Variants in SLC4A1AP observed in about 807,000 individuals in gnomAD.
SLC4A1AP encodes solute carrier family 4 member 1 adaptor protein.
Under a neutral mutation model 89.7 loss-of-function variants are expected in SLC4A1AP, and 64 were observed. That is an observed-to-expected ratio of 0.71 (90% CI 0.58 to 0.88). SLC4A1AP has a LOEUF of 0.88. Ranked by LOEUF, SLC4A1AP falls within the 40% of genes least tolerant of loss-of-function variation. SLC4A1AP has a pLI of 0.00. For synonymous variants in SLC4A1AP, 366 were observed against 353.3 expected (o/e 1.04, Z -0.40); for missense variants, 931 against 965.0 (o/e 0.96, Z 0.47).
At chr2:27,664,955 G>C (rs923461229) in intron 1 of SLC4A1AP, 145 bp from the exon 2 acceptor site, 2 of 588,546 alleles carry the variant, frequency 3.4e-6, no homozygotes, top group African/African-American at 3.9e-5. Context: ...TGCTCAGGAG[G>C]CTGAGGTGGG....
At chr2:27,665,079 T>A (rs1675288355) in intron 1 of SLC4A1AP, 21 bp from the exon 2 acceptor site, 1 of 1,577,184 alleles carries the variant, frequency 6.3e-7, no homozygotes, top group African/African-American at 1.4e-5. Flanking sequence ...ATAAATAACC[T>A]TTTTTTCCTT....
chr2:27,688,104 AAG>A (rs1675733557), intron 11 of SLC4A1AP, 84 bp downstream of exon 11: 11 of 1,066,730 alleles, frequency 1.0e-5, no homozygotes, highest in Admixed American at 1.9e-5. Flanking sequence ...AGCTGACCTG[AAG>A]GCAGCACAGA....
At chr2:27,686,542 A>T (rs1036356851) in intron 10 of SLC4A1AP, among the ~76,000 whole-genome samples, 1 of 152,218 alleles carries the variant, frequency 6.6e-6, no homozygotes, top group Admixed American at 6.5e-5. Context: ...AGGCGGATGG[A>T]TCACCTGAGG....
exon 12 of SLC4A1AP, chr2:27,688,735 T>C (rs1398001512): frequency 6.2e-7 from 1 of 1,603,862 alleles, no homozygotes; most frequent in Non-Finnish European, 8.5e-7. Flanking sequence ...CAGAGGTGAA[T>C]TGAAGAAAAA....
At chr2:27,690,140 AT>A (rs1675766309) in intron 12 of SLC4A1AP, among the ~76,000 whole-genome samples, 1 of 152,216 alleles carries the variant, frequency 6.6e-6, no homozygotes, top group South Asian at 2.1e-4. Context: ...TAGAGTTAAA[AT>A]TATACCTATA....
At chr2:27,676,596 T>C (rs1387600012) in intron 6 of SLC4A1AP, among the ~76,000 whole-genome samples, 1 of 150,404 alleles carries the variant, frequency 6.6e-6, no homozygotes, top group African/African-American at 2.5e-5. Context: ...CTGAGGCCGG[T>C]GGATCACCTG....
At position 27,665,085 on chromosome 2, in the gene SLC4A1AP, TC is replaced by T; in HGVS notation, c.826-13del. The T allele has an allele frequency of 6.3e-7, 1 of 1,591,798 alleles. No individual in the cohort carries two copies. The highest frequency in any genetic ancestry group is 8.6e-7 in the Non-Finnish European group (1 of 1,169,278). On this transcript the variant is annotated splice_polypyrimidine_tract_variant and intron_variant, in intron 1 of 13. Transcript: ENST00000613058. ...TCTAAATAAATAAATAACCTTTTTTTCCTTGGTTCATCAGGGACCAGAGGAA... is the reference window on the plus strand; with the variant it reads ...TCTAAATAAATAAATAACCTTTTTTTCTTGGTTCATCAGGGACCAGAGGAA...
At chr2:27,668,518 T>G in intron 3 of SLC4A1AP, 1 of 476,666 alleles carries the variant, frequency 2.1e-6, no homozygotes, top group South Asian at 1.7e-5. Context: ...GGCGCAATCT[T>G]GGCTCACTGC....
intron 12 of SLC4A1AP, chr2:27,692,664 G>C (rs540814409): frequency 6.6e-6 from 1 of 152,038 alleles, no homozygotes; most frequent in Non-Finnish European, 1.5e-5. Context: ...GAATCTGGGA[G>C]CTCCAGTTTT....
intron 9 of SLC4A1AP, among the ~76,000 whole-genome samples, chr2:27,683,848 G>A (rs1675660446): frequency 6.6e-6 from 1 of 151,994 alleles, no homozygotes; most frequent in African/African-American, 2.4e-5. Flanking sequence ...CGATTCTCCT[G>A]CCTCAGCTTC....
Position 27,685,332 on chromosome 2 carries a change from G to A in SLC4A1AP, c.2116+55G>A, listed in dbSNP as rs1675688452. On this transcript the variant is annotated intron_variant, in intron 10 of 13. Coordinates refer to ENST00000613058, the Ensembl canonical transcript of SLC4A1AP. ...TTCAGTGGGCAGTTACATTGATTGT[G>A]GATAGGTTTTAAAAAGCAAGGCCAG... The A allele has an allele frequency of 3.2e-6, 5 of 1,544,416 alleles. No homozygotes were observed. The African/African-American group carries it at 5.5e-5, about 17-fold the overall frequency.
chr2:27,669,705 T>C (rs544128894), intron 5 of SLC4A1AP, among the ~76,000 whole-genome samples: 1 of 152,240 alleles, frequency 6.6e-6, no homozygotes, highest in South Asian at 2.1e-4. Context: ...TTATTATTAT[T>C]TTTGAGATGG....
At chr2:27,665,217 G>A (rs1199123882) in exon 2 of SLC4A1AP, 2 of 1,613,706 alleles carry the variant, frequency 1.2e-6, no homozygotes, top group Non-Finnish European at 1.7e-6. Context: ...CTCAGATGAA[G>A]AAGAGGAAAT....
intron 7 of SLC4A1AP, 62 bp from the exon 8 acceptor site, chr2:27,677,676 G>A: frequency 7.3e-7 from 1 of 1,364,318 alleles, no homozygotes; most frequent in Admixed American, 2.4e-5. Flanking sequence ...TGGAAACTTT[G>A]GCTGAATTTT....
intron 12 of SLC4A1AP, among the ~76,000 whole-genome samples, chr2:27,689,002 A>G (rs1240935670): frequency 1.3e-5 from 2 of 152,106 alleles, no homozygotes; most frequent in East Asian, 3.8e-4. Context: ...ATCTTTCTTT[A>G]TATCCTAATT....
intron 10 of SLC4A1AP, among the ~76,000 whole-genome samples, chr2:27,687,143 T>A (rs1675715808): frequency 6.6e-6 from 1 of 152,176 alleles, no homozygotes; most frequent in Non-Finnish European, 1.5e-5. Flanking sequence ...TTTTTTCCTA[T>A]GCCTTAGACT....
intron 5 of SLC4A1AP, among the ~76,000 whole-genome samples, chr2:27,673,421 TCCC>T (rs1675461010): frequency 2.5e-5 from 1 of 40,164 alleles, no homozygotes; most frequent in Non-Finnish European, 4.5e-5. Flanking sequence ...CCTCCCTCCC[TCCC>T]TCCCTCCCTC....
intron 5 of SLC4A1AP, among the ~76,000 whole-genome samples, chr2:27,673,151 T>A (rs1387964106): frequency 6.6e-6 from 1 of 152,188 alleles, no homozygotes; most frequent in Non-Finnish European, 1.5e-5. Context: ...CATCCCCAGT[T>A]GCAGATCCGT....
intron 9 of SLC4A1AP, among the ~76,000 whole-genome samples, chr2:27,683,911 A>AT (rs1318833894): frequency 2.0e-5 from 3 of 150,538 alleles, no homozygotes; most frequent in African/African-American, 4.9e-5. Flanking sequence ...AATTTTTTGT[A>AT]TTTTTTTTTA....
Sources: gnomAD v4.1 joint callset for allele counts (sites outside exome capture counted in the v4.1 genomes callset) on GRCh38, gnomAD v4.1.1 for gene constraint, MANE v1.5 for transcripts, NCBI Gene and HGNC (gene_info 2026-07-23, HGNC 2026-07-21) for gene names.